Variants in ANKFY1 observed in about 807,000 individuals in gnomAD.
The protein encoded by ANKFY1 is ankyrin repeat and FYVE domain containing 1, also known as ankyrin repeat and FYVE domain-containing protein 1.
A neutral mutation model predicts 128.3 loss-of-function variants in ANKFY1; 47 were observed. The ratio of observed to expected loss-of-function variants is 0.37; its 90% CI spans 0.29 to 0.47. ANKFY1 has a LOEUF of 0.47. Ranked by LOEUF, ANKFY1 falls within the 20% of genes least tolerant of loss-of-function variation. The pLI, the probability that ANKFY1 is intolerant of heterozygous loss-of-function variation, is 1.00. For synonymous variants in ANKFY1, 553 were observed against 601.6 expected (o/e 0.92, Z 1.18); for missense variants, 1,222 against 1,510.6 (o/e 0.81, Z 3.17).
At chr17:4,187,201 C>T (rs2143006451) in intron 11 of ANKFY1, 1 of 418,378 alleles carries the variant, frequency 2.4e-6, no homozygotes, top group Admixed American at 4.4e-5. Flanking sequence ...ATTCTTGCAC[C>T]ACAGGGGTTT....
chr17:4,240,791 C>T (rs1292179649), intron 2 of ANKFY1, among the ~76,000 whole-genome samples: 1 of 152,194 alleles, frequency 6.6e-6, no homozygotes, highest in African/African-American at 2.4e-5. Flanking sequence ...AACTCCTCAC[C>T]TGAGCATCCT....
intron 22 of ANKFY1, among the ~76,000 whole-genome samples, chr17:4,171,939 G>A (rs1432336626): frequency 6.6e-6 from 1 of 152,116 alleles, no homozygotes; most frequent in Admixed American, 6.5e-5. Flanking sequence ...TGCTTTATGG[G>A]GTTACTTTTC....
chr17:4,220,919 G>A (rs2060300113), intron 3 of ANKFY1, among the ~76,000 whole-genome samples: 1 of 152,174 alleles, frequency 6.6e-6, no homozygotes, highest in Admixed American at 6.5e-5. Flanking sequence ...GTTGGCCTCC[G>A]AGTCCTGCGT....
intron 7 of ANKFY1, 119 bp from the exon 8 acceptor site, chr17:4,197,696 G>A (rs552005608): frequency 1.1e-6 from 1 of 886,374 alleles, no homozygotes; most frequent in African/African-American, 1.7e-5. Flanking sequence ...TGTGTCTGAA[G>A]GAACCTCTTG....
intron 4 of ANKFY1, among the ~76,000 whole-genome samples, chr17:4,213,337 C>G (rs1487792592): frequency 6.6e-6 from 1 of 151,440 alleles, no homozygotes; most frequent in Non-Finnish European, 1.5e-5. Context: ...TTATAGGCGC[C>G]CGCCACCACG....
intron 7 of ANKFY1, among the ~76,000 whole-genome samples, chr17:4,201,935 C>T (rs2059934974): frequency 6.6e-6 from 1 of 152,118 alleles, no homozygotes; most frequent in African/African-American, 2.4e-5. Context: ...AATATATTAG[C>T]AATACAACTA....
chr17:4,223,541 A>C (rs2060364402), intron 3 of ANKFY1: 1 of 1,211,114 alleles, frequency 8.3e-7, no homozygotes, highest in African/African-American at 1.5e-5. Flanking sequence ...ATGGCTCTTG[A>C]AAGTCTGGTT....
chr17:4,187,143 C>A, intron 11 of ANKFY1: 1 of 630,934 alleles, frequency 1.6e-6, no homozygotes. Flanking sequence ...TTTTATCCCC[C>A]ACCGCCCTCC....
At position 4,187,496 on chromosome 17, in the gene ANKFY1, C is replaced by G. The variant is rs1292374410; in HGVS notation, c.1470+1886G>C. The G allele has an allele frequency of 1.1e-5, 4 of 379,362 alleles. No homozygotes were observed. In the Admixed American group the frequency reaches 1.4e-4, roughly 13 times the overall value. 23.5% of individuals were successfully genotyped at this position (379,362 alleles called of 1,614,324 possible). ...TCTTCTGTCCCCACAGGATAAAGCC[C>G]ACACAGCGGAAGCCAGTGTTCCAGG... On this transcript the variant is annotated intron_variant, in intron 11 of 24. Transcript: ENST00000341657.
intron 1 of ANKFY1, chr17:4,249,187 G>C: frequency 1.1e-5 from 10 of 887,876 alleles, no homozygotes; most frequent in Non-Finnish European, 1.3e-5. Flanking sequence ...TTTCCGTACA[G>C]GGCCACATAG....
intron 22 of ANKFY1, 94 bp from the exon 23 acceptor site, chr17:4,170,955 C>G (rs923087528): frequency 3.8e-6 from 6 of 1,572,650 alleles, no homozygotes; most frequent in Non-Finnish European, 4.3e-6. Flanking sequence ...GCAGAACAGA[C>G]CGCTGGCAGG....
chr17:4,199,578 C>T (rs1567936178), intron 7 of ANKFY1, among the ~76,000 whole-genome samples: 1 of 152,126 alleles, frequency 6.6e-6, no homozygotes, highest in Non-Finnish European at 1.5e-5. Flanking sequence ...GACATGTTGA[C>T]AAAAGGCCAA....
chr17:4,231,617 C>G (rs1000842056), intron 3 of ANKFY1, among the ~76,000 whole-genome samples: 1 of 152,042 alleles, frequency 6.6e-6, no homozygotes, highest in African/African-American at 2.4e-5. Flanking sequence ...GTATATAATG[C>G]CTGTTGTATT....
In ANKFY1 at chr17:4,195,140, C is replaced by A; in HGVS notation, c.1210G>T (p.Ala404Ser). ...ATATGCTGCACTGCCAGCCACAGAG[C>A]CGTGCTGCCCTCGTGGTCTTTGAGT... Reference protein sequence around the residue: ...LELKDHEGSTALWLAVQHITV... With the variant: ...LELKDHEGSTSLWLAVQHITV... The change falls in exon 10 of 25, where the codon GCT becomes TCT. Residue 404 changes from alanine (A) to serine (S), a missense_variant. Coordinates refer to ENST00000341657, the MANE Select transcript of ANKFY1 (RefSeq NM_001330063.2). 1 of 1,612,014 alleles carries A rather than the reference C, an allele frequency of 6.2e-7. No individual in the cohort carries two copies. Among genetic ancestry groups the A allele is most frequent in the African/African-American group, 1.3e-5 (1 of 75,010 alleles).
At position 4,183,899 on chromosome 17, in the gene ANKFY1, G is replaced by A. The variant is rs1224003126; in HGVS notation, c.1711C>T (p.His571Tyr). Residue 571 changes from histidine (H) to tyrosine (Y), a missense_variant, in exon 13 of 25, where the codon CAT (histidine) becomes TAT (tyrosine). His to Tyr is a moderately conservative substitution (Grantham distance 83). Coordinates refer to ENST00000341657, the MANE Select transcript of ANKFY1 (RefSeq NM_001330063.2). Reference sequence around the variant, plus strand: ...ATGATCTGCAAGTTGTTGGTGGCATGAAGAGCATTGGCTAAATGTTTGAAA... The same window carrying A: ...ATGATCTGCAAGTTGTTGGTGGCATAAAGAGCATTGGCTAAATGTTTGAAA... ...VILEQKANALHATNNLQIIPD... is the reference protein window; with the variant it reads ...VILEQKANALYATNNLQIIPD... 4 of 1,612,542 alleles carry A rather than the reference G, an allele frequency of 2.5e-6. No homozygotes were observed. Among genetic ancestry groups the A allele is most frequent in the Non-Finnish European group, 3.4e-6 (4 of 1,178,654 alleles).
chr17:4,246,382 ACAGTATAT>A (rs1244048327), intron 1 of ANKFY1, among the ~76,000 whole-genome samples: 2 of 152,174 alleles, frequency 1.3e-5, no homozygotes, highest in Non-Finnish European at 2.9e-5. Context: ...GTACATAAAC[ACAGTATAT>A]TTCTCTACGA....
intron 10 of ANKFY1, among the ~76,000 whole-genome samples, chr17:4,190,644 T>C (rs2059700498): frequency 6.6e-6 from 1 of 152,206 alleles, no homozygotes; most frequent in South Asian, 2.1e-4. Flanking sequence ...ATATTTTCCT[T>C]AGCACTGTTA....
intron 3 of ANKFY1, among the ~76,000 whole-genome samples, chr17:4,232,395 A>G (rs1019057577): frequency 2.6e-5 from 4 of 152,208 alleles, no homozygotes; most frequent in Non-Finnish European, 4.4e-5. Context: ...CAACAGGAAC[A>G]GGCCCACACA....
chr17:4,195,174 T>C lies in ANKFY1; in HGVS notation c.1176A>G (p.Leu392=), dbSNP rs1417051414. The part of the protein sequence containing the change: ...VFSQLLQCKQ[L]DLELKDHEGS... ...CCTCGTGGTCTTTGAGTTCTAAATC[T>C]AGTCTGAAAAGCAGAAGCAGTGTCA... is the stretch of plus-strand genomic sequence containing the variant. Residue 392 remains leucine, a synonymous_variant, in exon 10 of 25, where the codon CTA becomes CTG. Transcript: ENST00000341657. The C allele has an allele frequency of 1.2e-6, 2 of 1,604,258 alleles. No individual in the cohort carries two copies. Among genetic ancestry groups the C allele is most frequent in the Non-Finnish European group, 1.7e-6 (2 of 1,173,102 alleles).
Sources: allele counts gnomAD v4.1 joint callset (sites outside exome capture counted in the v4.1 genomes callset), GRCh38; gene constraint gnomAD v4.1.1; transcripts MANE v1.5; gene names NCBI Gene and HGNC (gene_info 2026-07-23, HGNC 2026-07-21).